CFAP74: variants seen among roughly 807,000 people sequenced by gnomAD.
The protein encoded by CFAP74 is cilia- and flagella-associated protein 74.
A neutral mutation model predicts 188.9 loss-of-function variants in CFAP74; 124 were observed. The observed-to-expected ratio is 0.66, with a 90% CI of 0.57 to 0.76. CFAP74 has a LOEUF of 0.76. Ranked by LOEUF, CFAP74 falls within the 30% of genes least tolerant of loss-of-function variation. The probability of loss-of-function intolerance (pLI) is 0.00; values close to 1 mark genes in which losing one functional copy is unlikely to be tolerated. For missense variants in CFAP74, 2,198 were observed against 2,165.2 expected (o/e 1.02, Z -0.30); for synonymous variants, 956 against 916.7 (o/e 1.04, Z -0.77).
intron 25 of CFAP74, among the ~76,000 whole-genome samples, chr1:1,938,464 TCA>T (rs931555781): frequency 2.2e-5 from 3 of 137,156 alleles, no homozygotes; most frequent in Admixed American, 7.6e-5. Context: ...TCCCACAGGC[TCA>T]CACACACACA....
Position 1,994,909 on chromosome 1 carries a change from C to G in CFAP74, c.-19-3934G>C, listed in dbSNP as rs565527710. 1.9e-3 allele frequency among the ~76,000 whole-genome samples: 284 copies of G among 152,246 alleles called. 2 individuals carry two copies. The highest frequency in any genetic ancestry group is 6.6e-3 in the African/African-American group (273 of 41,526). ...TGGGAGAAACAGGAGCAAAGAGAAG[C>G]GGGAGGTGGAGGGATGAGGGTAGCT... On this transcript the variant is annotated intron_variant, in intron 1 of 38. Coordinates refer to ENST00000682832, the MANE Select transcript of CFAP74 (RefSeq NM_001304360.2).
rs1653779430 is a variant in CFAP74, at chr1:1,946,401, C to T, written c.2280G>A (p.Lys760=). Residue 760 remains lysine (K), a synonymous_variant, in exon 20 of 39, where the codon AAG becomes AAA. Transcript: ENST00000682832. ...CGACCGGAGTGAAGACGATGGGCACCTTGATGGAGCTGAAGGGGCCAATTT... is the reference window on the plus strand; with the variant it reads ...CGACCGGAGTGAAGACGATGGGCACTTTGATGGAGCTGAAGGGGCCAATTT... ...EGEIGPFSSI[K]VPIVFTPVVP... 1.3e-6 allele frequency: 2 copies of T among 1,536,978 alleles called. No individual in the cohort carries two copies. The highest frequency in any genetic ancestry group is 2.4e-5 in the South Asian group (2 of 84,050).
At chr1:1,972,323 C>T (rs1190187796) in intron 8 of CFAP74, among the ~76,000 whole-genome samples, 1 of 152,204 alleles carries the variant, frequency 6.6e-6, no homozygotes, top group Non-Finnish European at 1.5e-5. Flanking sequence ...ATCATTTCCA[C>T]CAGGAATGTG....
rs1299297080 is a variant in CFAP74, at chr1:1,942,162, G to A, written c.2487-6C>T. ...GGCGCAGGGCAGCTTTCGACCTGTG[G>A]GCGTGTCGCAGGGCACTGGGTCAGG... On this transcript the variant is annotated splice_polypyrimidine_tract_variant and splice_region_variant and intron_variant, in intron 21 of 38. Transcript: ENST00000682832. This position sits in a 1 kb window ranked among gnomAD's most constrained non-coding sequence, Gnocchi z 4.3. 2 of 1,503,342 alleles carry A rather than the reference G, an allele frequency of 1.3e-6. No homozygotes were observed. Among genetic ancestry groups the A allele is most frequent in the Non-Finnish European group, 1.8e-6 (2 of 1,131,298 alleles). 93.1% of individuals were successfully genotyped at this position (1,503,342 alleles called of 1,614,324 possible).
At chr1:1,985,009 A>C (rs1657141190) in intron 6 of CFAP74, 2 of 192,936 alleles carry the variant, frequency 1.0e-5, no homozygotes, top group South Asian at 2.3e-4. Context: ...CTTCTTGCCA[A>C]ACTCGCCGAA....
intron 18 of CFAP74, among the ~76,000 whole-genome samples, chr1:1,948,414 T>TATAA (rs1422050222): frequency 3.4e-5 from 5 of 147,628 alleles, no homozygotes; most frequent in Non-Finnish European, 7.4e-5. Flanking sequence ...CATATATAAA[T>TATAA]ATATATATAT....
chr1:1,993,879 G>C (rs1325209988), intron 1 of CFAP74, among the ~76,000 whole-genome samples: 3 of 151,242 alleles, frequency 2.0e-5, no homozygotes, highest in South Asian at 4.2e-4. Context: ...CTACTCGGGA[G>C]GCTGAGGCAG....
chr1:1,972,976 T>C lies in CFAP74; in HGVS notation c.746A>G (p.His249Arg). 6.2e-7 allele frequency: 1 copy of C among 1,613,976 alleles called. No homozygotes were observed. The highest frequency in any genetic ancestry group is 1.1e-5 in the South Asian group (1 of 91,078). The stretch of plus-strand genomic sequence containing the variant: ...CTTCAGGAACCGCACGGCAACCTTG[T>C]GGTTCTTCCGGGCGTCCTCCAGCAG... The part of the protein sequence containing the change: ...QKLLEDARKN[H>R]KVAVRFLKAS... Residue 249 changes from histidine to arginine, a missense_variant, in exon 8 of 39, where the codon CAC (histidine) becomes CGC (arginine). Coordinates refer to ENST00000682832, the MANE Select transcript of CFAP74 (RefSeq NM_001304360.2).
intron 16 of CFAP74, among the ~76,000 whole-genome samples, chr1:1,958,440 G>A (rs751601543): frequency 2.0e-5 from 3 of 152,244 alleles, no homozygotes; most frequent in Non-Finnish European, 4.4e-5. Flanking sequence ...CAGCCTGGAC[G>A]GGGCTGGCCG....
At chr1:1,924,650 G>T in intron 33 of CFAP74, 130 bp from the exon 34 acceptor site, 2 of 950,264 alleles carry the variant, frequency 2.1e-6, no homozygotes, top group Non-Finnish European at 3.1e-6. Context: ...GCCTGATGAC[G>T]CCAGCACACG....
intron 29 of CFAP74, 30 bp from the exon 30 acceptor site, chr1:1,926,791 G>T: frequency 1.3e-6 from 2 of 1,547,700 alleles, no homozygotes; most frequent in Non-Finnish European, 1.7e-6. Flanking sequence ...CTGAGGGCAG[G>T]GTGGGCGGCC....
At position 1,927,675 on chromosome 1, in the gene CFAP74, GT is replaced by G. The variant is rs1371313422; in HGVS notation, c.3458del (p.Asn1153ThrfsTer21). On this transcript the variant is annotated frameshift_variant, in exon 28 of 39. Coordinates refer to ENST00000682832, the MANE Select transcript of CFAP74 (RefSeq NM_001304360.2). LOFTEE classifies it high-confidence loss of function. ...GLSFSVLRAQ[N>X]RDKLFKVSVP... is the part of the protein sequence containing the mutation. ...CAGAGACTTTGAACAGCTTGTCGCGGTTCTGTGCTCGAAGAACGGAGAATGA... is the reference window on the plus strand; with the variant it reads ...CAGAGACTTTGAACAGCTTGTCGCGGTCTGTGCTCGAAGAACGGAGAATGA... 1 of 1,550,208 alleles carries G rather than the reference GT, an allele frequency of 6.5e-7. No homozygotes were observed. Among genetic ancestry groups the G allele is most frequent in the South Asian group, 1.2e-5 (1 of 84,066 alleles).
chr1:1,932,926 C>T (rs548470237), intron 25 of CFAP74, among the ~76,000 whole-genome samples: 7 of 148,914 alleles, frequency 4.7e-5, no homozygotes, highest in Non-Finnish European at 8.9e-5. Context: ...TGCTCTGTCA[C>T]CCAGGCTGGA....
rs538278858 is a variant in CFAP74, at chr1:1,942,575, C to T, written c.2487-419G>A. Among the ~76,000 whole-genome samples, 3 of 152,180 alleles carry T rather than the reference C, an allele frequency of 2.0e-5. No individual in the cohort carries two copies. Among genetic ancestry groups the T allele is most frequent in the South Asian group, 2.1e-4 (1 of 4,822 alleles). On this transcript the variant is annotated intron_variant, in intron 21 of 38. Transcript: ENST00000682832. This position sits in a 1 kb window ranked among gnomAD's most constrained non-coding sequence, Gnocchi z 4.3. ...CATCCTGCAGCTCAAGCACAGGGCA[C>T]GTGGGGGGCCTGGGACGGCCACAGG...
Position 1,956,633 on chromosome 1 carries a change from G to A in CFAP74, c.2003C>T (p.Ser668Phe), listed in dbSNP as rs1000616898. 2 of 1,614,162 alleles carry A rather than the reference G, an allele frequency of 1.2e-6. No homozygotes were observed. Among genetic ancestry groups the A allele is most frequent in the Admixed American group, 3.3e-5 (2 of 60,026 alleles). ...TGGCACACTCACTAATTTCAGGGCA[G>A]ACTGGGAGTCGTCCATCTCACAGGG... ...SEPCEMDDSQ[S>F]ALKLSSLLTY... Residue 668 changes from serine to phenylalanine, a missense_variant, in exon 17 of 39, where the codon TCT becomes TTT. Ser to Phe is a radical substitution (Grantham distance 155, BLOSUM62 -2). Transcript: ENST00000682832.
At chr1:1,971,857 C>T (rs1656101523) in intron 9 of CFAP74, 123 bp downstream of exon 9, 1 of 729,244 alleles carries the variant, frequency 1.4e-6, no homozygotes, top group Non-Finnish European at 2.3e-6. Flanking sequence ...CCAGGGGTCA[C>T]CAAGTGCGCG....
Position 1,930,218 on chromosome 1 carries a change from TGAC to T in CFAP74, c.3127_3129del (p.Val1043del). On this transcript the variant is annotated inframe_deletion, in exon 26 of 39. Transcript: ENST00000682832. ...GAGCTCATGCTCAGGTGAGAGTTGA[TGAC>T]GTACACTGTAGCCACGGAGGTGTCG... 1 of 1,535,668 alleles carries T rather than the reference TGAC, an allele frequency of 6.5e-7. No homozygotes were observed.
At chr1:1,991,763 G>A (rs1488924039) in intron 1 of CFAP74, among the ~76,000 whole-genome samples, 2 of 152,126 alleles carry the variant, frequency 1.3e-5, no homozygotes, top group Non-Finnish European at 2.9e-5. Flanking sequence ...AGATTGGCTG[G>A]GCGTGGTGGC....
At chr1:1,962,149 G>C (rs535153721) in intron 14 of CFAP74, among the ~76,000 whole-genome samples, 1 of 152,336 alleles carries the variant, frequency 6.6e-6, no homozygotes, top group Non-Finnish European at 1.5e-5. Flanking sequence ...CAGGAAGCAG[G>C]AAGTAGAAGA....
Sources: gnomAD v4.1 joint callset for allele counts (sites outside exome capture counted in the v4.1 genomes callset) on GRCh38, gnomAD v4.1.1 for gene constraint, Gnocchi (gnomAD v3.1) non-coding constraint, MANE v1.5 for transcripts, NCBI Gene and HGNC (gene_info 2026-07-23, HGNC 2026-07-21) for gene names.